Variants in PTCH1 observed in about 807,000 individuals in gnomAD.
PTCH1 encodes patched 1.
PTCH1 carries 14 observed loss-of-function variants against 144.6 expected under a neutral mutation model. The observed-to-expected ratio is 0.10, with a 90% CI of 0.06 to 0.15. PTCH1 has a LOEUF of 0.15. Among genes scored for constraint, PTCH1 ranks in the 10% least tolerant of loss-of-function variants. PTCH1 has a pLI of 1.00. For missense variants in PTCH1, 1,623 were observed against 1,948.3 expected, an observed-to-expected ratio of 0.83 and a Z score of 3.14; for synonymous variants, 833 against 793.6, an observed-to-expected ratio of 1.05 and a Z score of -0.83.
intron 14 of PTCH1, among the ~76,000 whole-genome samples, chr9:95,468,137 G>A (rs984452847): frequency 6.6e-6 from 1 of 152,020 alleles, no homozygotes; most frequent in South Asian, 2.1e-4. Context: ...GCACCATCAC[G>A]GCTCACTGTA....
At chr9:95,453,370 T>C (rs1838637750) in intron 20 of PTCH1, 108 bp downstream of exon 20, 2 of 1,531,768 alleles carry the variant, frequency 1.3e-6, no homozygotes, top group Non-Finnish European at 1.8e-6. Context: ...GACCTTCTGA[T>C]CCACCCGCCT....
chr9:95,506,250 C>T, intron 2 of PTCH1, 157 bp downstream of exon 2: 3 of 866,764 alleles, frequency 3.5e-6, no homozygotes, highest in Non-Finnish European at 5.1e-6. Context: ...GCGGGCCTGG[C>T]TCCCGGCCAG....
chr9:95,449,433 C>T lies in PTCH1; in HGVS notation c.3550-110G>A. 1 of 1,452,646 alleles carries T rather than the reference C, an allele frequency of 6.9e-7. No homozygotes were observed. Among genetic ancestry groups the T allele is most frequent in the South Asian group, 1.2e-5 (1 of 82,082 alleles). The allele number at this position is 1,452,646 out of a possible 1,614,324, so 90.0% of individuals were successfully genotyped here. A position where few individuals can be genotyped will look rare whatever the true frequency, so the allele number is the denominator to read the frequency against. On this transcript the variant is annotated intron_variant, in intron 21 of 23. Coordinates refer to ENST00000331920, the MANE Select transcript of PTCH1 (RefSeq NM_000264.5). This position sits in a 1 kb window ranked among gnomAD's most constrained non-coding sequence, Gnocchi z 5.3. ...GGGGCCTCTGTTCCCTGCCCTGGGG[C>T]CCTGCGCACTGTGCCGTATTAACCT...
chr9:95,446,563 T>G, intron 23 of PTCH1, 172 bp from the exon 24 acceptor site: 1 of 442,626 alleles, frequency 2.3e-6, no homozygotes, highest in African/African-American at 2.0e-5. Flanking sequence ...ATCTGGGGGC[T>G]GGTTACACGG....
chr9:95,449,954 A>T lies in PTCH1; in HGVS notation c.3450-14T>A. 6.2e-7 allele frequency: 1 copy of T among 1,610,202 alleles called. No homozygotes were observed. Among genetic ancestry groups the T allele is most frequent in the Non-Finnish European group, 8.5e-7 (1 of 1,176,536 alleles). On this transcript the variant is annotated splice_polypyrimidine_tract_variant and intron_variant, in intron 20 of 23. Coordinates refer to ENST00000331920, the MANE Select transcript of PTCH1 (RefSeq NM_000264.5). This position sits in a 1 kb window ranked among gnomAD's most constrained non-coding sequence, Gnocchi z 5.3. ...GCAAAGAAATACCTGGGAGATCAAG[A>T]GGAAACGGGAACACGCGCTGTGACA...
rs2118418934 is a variant in PTCH1 at position 95,480,476 on chromosome 9, C to T, written c.859G>A (p.Val287Ile). The change falls in exon 6 of 24, where the codon GTT (valine) becomes ATT (isoleucine). Residue 287 changes from valine to isoleucine, a missense_variant. By Grantham distance (29) the Val-to-Ile change is conservative. This residue lies in a region of PTCH1 where 230 missense variants were observed against 271.0 expected (regional missense o/e 0.85). Coordinates refer to ENST00000331920, the MANE Select transcript of PTCH1 (RefSeq NM_000264.5). Reference sequence around the variant, plus strand: ...GGGCGGTCCATGTAACCATGACCAACCTCAGCCTTATTCAGCATTTCCTCC... The same window carrying T: ...GGGCGGTCCATGTAACCATGACCAATCTCAGCCTTATTCAGCATTTCCTCC... ...SWEEMLNKAE[V>I]GHGYMDRPCL... is the part of the protein sequence containing the mutation. 6.2e-7 allele frequency: 1 copy of T among 1,612,508 alleles called. No individual in the cohort carries two copies. Among genetic ancestry groups the T allele is most frequent in the Non-Finnish European group, 8.5e-7 (1 of 1,179,814 alleles).
exon 1 of PTCH1, chr9:95,516,940 G>C: frequency 2.4e-6 from 2 of 832,812 alleles, no homozygotes; most frequent in East Asian, 2.7e-5. Context: ...CTCGAGGAAC[G>C]TGCTATCAGC....
chr9:95,514,519 T>C (rs1206899331), intron 1 of PTCH1: 1 of 152,128 alleles, frequency 6.6e-6, no homozygotes, highest in East Asian at 1.9e-4. Flanking sequence ...AATTCCAGCT[T>C]ATTGTGTGTC....
At chr9:95,484,267 G>A (rs1314359491) in intron 3 of PTCH1, 1 of 152,198 alleles carries the variant, frequency 6.6e-6, no homozygotes, top group Non-Finnish European at 1.5e-5. Context: ...TACAATACTT[G>A]TTACAGACCA....
At chr9:95,481,912 A>G in intron 5 of PTCH1, 37 bp downstream of exon 5, 1 of 1,505,872 alleles carries the variant, frequency 6.6e-7, no homozygotes. Context: ...AGTCCTAGAG[A>G]AGTCACAGAC....
intron 2 of PTCH1, among the ~76,000 whole-genome samples, chr9:95,486,355 G>A (rs1179147465): frequency 1.3e-5 from 2 of 152,268 alleles, no homozygotes; most frequent in Non-Finnish European, 2.9e-5. Flanking sequence ...AAGGTGGCCA[G>A]TGTGTGTTCA....
rs1239458885 is a variant in PTCH1, at chr9:95,465,706, CT to C, written c.2560+1409del. 7.9e-5 allele frequency among the ~76,000 whole-genome samples: 12 copies of C among 152,272 alleles called. No homozygotes were observed. The South Asian group carries it at 1.5e-3, about 18-fold the overall frequency. On this transcript the variant is annotated intron_variant, in intron 15 of 23. Coordinates refer to ENST00000331920, the MANE Select transcript of PTCH1 (RefSeq NM_000264.5). ...GAGTCTTTACATACAAGTGTATTGA[CT>C]TCAGACCAAAAAAGGCACTTACATC...
intron 15 of PTCH1, among the ~76,000 whole-genome samples, chr9:95,463,126 G>A (rs935469273): frequency 7.9e-5 from 12 of 152,082 alleles, no homozygotes; most frequent in Non-Finnish European, 2.9e-5. Context: ...AGGGAGAAGC[G>A]TTTATTTCAT....
intron 23 of PTCH1, 21 bp downstream of exon 23, chr9:95,446,890 G>A (rs1477259077): frequency 1.2e-5 from 19 of 1,613,362 alleles, no homozygotes; most frequent in African/African-American, 1.3e-5. Context: ...TCCCTTGGCT[G>A]CCCTTGTCAG....
intron 7 of PTCH1, chr9:95,479,733 A>C: frequency 1.6e-6 from 1 of 636,268 alleles, no homozygotes; most frequent in South Asian, 1.9e-5. Context: ...CCCTATAGTC[A>C]GGAACTATGG....
chr9:95,473,989 T>C, intron 12 of PTCH1: 1 of 443,486 alleles, frequency 2.3e-6, no homozygotes, highest in Non-Finnish European at 4.5e-6. Flanking sequence ...CAGTACTCAT[T>C]TTTGTCTCTG....
chr9:95,462,948 G>A (rs1363842942), intron 15 of PTCH1, among the ~76,000 whole-genome samples: 1 of 152,164 alleles, frequency 6.6e-6, no homozygotes, highest in Non-Finnish European at 1.5e-5. Flanking sequence ...CCCGGCCTTA[G>A]GGTCTGAGCG....
intron 12 of PTCH1, among the ~76,000 whole-genome samples, chr9:95,473,622 G>A (rs1441482913): frequency 5.6e-5 from 8 of 143,566 alleles, no homozygotes; most frequent in African/African-American, 1.8e-4. Flanking sequence ...TCAGCTCACC[G>A]CAACCTCCGC....
chr9:95,473,793 C>T (rs965666114), intron 12 of PTCH1, among the ~76,000 whole-genome samples: 2 of 152,128 alleles, frequency 1.3e-5, no homozygotes, highest in Non-Finnish European at 1.5e-5. Flanking sequence ...CCACCCGTCT[C>T]GGCCTCCCAA....
Sources: allele counts gnomAD v4.1 joint callset (sites outside exome capture counted in the v4.1 genomes callset), GRCh38; gene constraint gnomAD v4.1.1; regional missense constraint gnomAD v4.1.1; non-coding constraint Gnocchi (gnomAD v3.1); transcripts MANE v1.5; gene names NCBI Gene and HGNC (gene_info 2026-07-23, HGNC 2026-07-21).